ELAVL2: variants seen among roughly 807,000 people sequenced by gnomAD.
ELAVL2 encodes the protein ELAV-like protein 2.
A neutral mutation model predicts 34.6 loss-of-function variants in ELAVL2; 4 were observed. The ratio of observed to expected loss-of-function variants is 0.12; its 90% CI spans 0.06 to 0.26. The LOEUF (loss-of-function observed/expected upper bound fraction) is 0.26. Among genes scored for constraint, ELAVL2 ranks in the 10% least tolerant of loss-of-function variants. The probability of loss-of-function intolerance (pLI) is 1.00; values close to 1 mark genes in which losing one functional copy is unlikely to be tolerated. For missense variants in ELAVL2, 432 were observed against 442.8 expected (o/e 0.98, Z 0.22); for synonymous variants, 193 against 154.8 (o/e 1.25, Z -1.83).
At chr9:23,762,367 ATGCTTC>A in intron 1 of ELAVL2, 118 bp from the exon 2 acceptor site, 2 of 1,322,450 alleles carry the variant, frequency 1.5e-6, no homozygotes, top group Admixed American at 2.4e-5. Flanking sequence ...AATTACAACA[ATGCTTC>A]AACAAAAAGT....
intron 1 of ELAVL2, among the ~76,000 whole-genome samples, chr9:23,783,668 C>G (rs1051892207): frequency 7.2e-5 from 11 of 152,076 alleles, no homozygotes; most frequent in Non-Finnish European, 1.5e-4. Flanking sequence ...GCTGGATAAC[C>G]AAGATGACTC....
chr9:23,798,633 G>A (rs1372456403), intron 1 of ELAVL2, among the ~76,000 whole-genome samples: 1 of 152,146 alleles, frequency 6.6e-6, no homozygotes, highest in African/African-American at 2.4e-5. Context: ...TAAAGTATCA[G>A]AATATGGATT....
intron 1 of ELAVL2, among the ~76,000 whole-genome samples, chr9:23,824,556 GCACA>G (rs1359560513): frequency 6.6e-6 from 1 of 152,008 alleles, no homozygotes; most frequent in Non-Finnish European, 1.5e-5. Flanking sequence ...GCGCTCTCAC[GCACA>G]CACTCACCCA....
chr9:23,713,070 A>T (rs982850886), intron 3 of ELAVL2, among the ~76,000 whole-genome samples: 1 of 152,196 alleles, frequency 6.6e-6, no homozygotes, highest in Non-Finnish European at 1.5e-5. Context: ...TGTATCAAAG[A>T]GGGTCTAAAT....
At chr9:23,709,789 G>T (rs982273794) in intron 3 of ELAVL2, among the ~76,000 whole-genome samples, 1 of 152,186 alleles carries the variant, frequency 6.6e-6, no homozygotes, top group African/African-American at 2.4e-5. Flanking sequence ...GAGAAGCAAG[G>T]TTATGAAATG....
At chr9:23,707,308 G>A (rs551429720) in intron 3 of ELAVL2, among the ~76,000 whole-genome samples, 3 of 152,148 alleles carry the variant, frequency 2.0e-5, no homozygotes, top group African/African-American at 7.2e-5. Context: ...TTCTTTTCTC[G>A]TGTAAGATTC....
chr9:23,744,862 G>C (rs897619046), intron 2 of ELAVL2, among the ~76,000 whole-genome samples: 6 of 152,104 alleles, frequency 3.9e-5, no homozygotes, highest in Admixed American at 1.3e-4. Flanking sequence ...CTCTGTCATT[G>C]TAATCTATGA....
intron 1 of ELAVL2, among the ~76,000 whole-genome samples, chr9:23,811,828 C>T (rs2063045302): frequency 6.6e-6 from 1 of 152,094 alleles, no homozygotes; most frequent in Non-Finnish European, 1.5e-5. Flanking sequence ...GTAGGTTTTG[C>T]AGAAATACTT....
chr9:23,831,502 C>CG, the ELAVL2 span: 1 of 152,282 alleles, frequency 6.6e-6, no homozygotes, highest in Non-Finnish European at 1.5e-5. Context: ...GACTGAGGCC[C>CG]GGGGAGACAC....
intron 2 of ELAVL2, among the ~76,000 whole-genome samples, chr9:23,757,624 C>T (rs562953112): frequency 6.6e-5 from 10 of 151,860 alleles, no homozygotes; most frequent in South Asian, 2.1e-4. Context: ...CATTTAAAAA[C>T]GCAAAGGGAT....
intron 1 of ELAVL2, among the ~76,000 whole-genome samples, chr9:23,823,794 A>G (rs1439093334): frequency 6.6e-6 from 1 of 152,206 alleles, no homozygotes; most frequent in African/African-American, 2.4e-5. Flanking sequence ...CTGATTTTCA[A>G]TTTGGAAAAT....
chr9:23,697,065 C>T (rs916287180), intron 5 of ELAVL2, among the ~76,000 whole-genome samples: 5 of 152,002 alleles, frequency 3.3e-5, no homozygotes, highest in African/African-American at 7.2e-5. Flanking sequence ...GGAGAGGCGG[C>T]GAGTGGCACT....
At chr9:23,765,572 A>G (rs1015926718) in intron 1 of ELAVL2, among the ~76,000 whole-genome samples, 7 of 152,138 alleles carry the variant, frequency 4.6e-5, no homozygotes, top group Non-Finnish European at 1.0e-4. Flanking sequence ...GAGAAGCTAT[A>G]TTTGCCCACA....
chr9:23,739,475 T>C (rs1014256990), intron 2 of ELAVL2, among the ~76,000 whole-genome samples: 5 of 152,172 alleles, frequency 3.3e-5, no homozygotes, highest in African/African-American at 9.7e-5. Context: ...ATTAAAAGTT[T>C]GGGTATGCTG....
In ELAVL2 at chr9:23,763,708, A is replaced by C. The variant is rs138652256; in HGVS notation, c.-15-1459T>G. Among the ~76,000 whole-genome samples, 26 of 152,258 alleles carry C rather than the reference A, an allele frequency of 1.7e-4. No homozygotes were observed. The East Asian group carries it at 5.0e-3, about 29-fold the overall frequency. Reference sequence around the variant, plus strand: ...CTCTACTGCCAGGAGATGTTTACAAAAGAAGGCAGTGTTGGACATATTGAG... The same window carrying C: ...CTCTACTGCCAGGAGATGTTTACAACAGAAGGCAGTGTTGGACATATTGAG... On this transcript the variant is annotated intron_variant, in intron 1 of 6. Coordinates refer to ENST00000397312, the MANE Select transcript of ELAVL2 (RefSeq NM_004432.5).
At chr9:23,822,371 G>T (rs1194489331) in intron 1 of ELAVL2, among the ~76,000 whole-genome samples, 3 of 151,998 alleles carry the variant, frequency 2.0e-5, no homozygotes, top group African/African-American at 7.2e-5. Flanking sequence ...ACCTGTGCGG[G>T]GTGCTGTACT....
chr9:23,813,489 C>T (rs2063299646), intron 1 of ELAVL2, among the ~76,000 whole-genome samples: 1 of 150,314 alleles, frequency 6.7e-6, no homozygotes, highest in Non-Finnish European at 1.5e-5. Flanking sequence ...ATGAGGTTAG[C>T]AGGTGGGCCA....
At chr9:23,733,453 C>T (rs1325460584) in intron 2 of ELAVL2, among the ~76,000 whole-genome samples, 1 of 152,130 alleles carries the variant, frequency 6.6e-6, no homozygotes, top group Admixed American at 6.6e-5. Context: ...AAATCACTGC[C>T]TTAATGGTGA....
intron 3 of ELAVL2, among the ~76,000 whole-genome samples, chr9:23,706,837 C>T (rs377117709): frequency 1.1e-4 from 17 of 152,290 alleles, no homozygotes; most frequent in African/African-American, 3.8e-4. Context: ...CTCTCTGTTG[C>T]CACTTTTTCT....
Sources: allele counts gnomAD v4.1 joint callset (sites outside exome capture counted in the v4.1 genomes callset), GRCh38; gene constraint gnomAD v4.1.1; transcripts MANE v1.5; gene names NCBI Gene and HGNC (gene_info 2026-07-23, HGNC 2026-07-21).